DST: variants seen among roughly 807,000 people sequenced by gnomAD.
The protein encoded by DST is bullous pemphigoid antigen.
In DST, 253 loss-of-function variants were observed where a neutral mutation model predicts 875.2. The ratio of observed to expected loss-of-function variants is 0.29; its 90% CI spans 0.26 to 0.32. The LOEUF (loss-of-function observed/expected upper bound fraction) is 0.32, where lower values mean the gene tolerates loss of function less well. Ranked by LOEUF, DST falls within the 10% of genes least tolerant of loss-of-function variation. DST has a pLI of 1.00. For missense variants in DST, 8,287 were observed against 9,111.6 expected (o/e 0.91, Z 3.68); for synonymous variants, 3,124 against 3,197.1 (o/e 0.98, Z 0.77).
At chr6:56,853,486 A>G (rs1438514735) in intron 3 of DST, among the ~76,000 whole-genome samples, 1 of 152,166 alleles carries the variant, frequency 6.6e-6, no homozygotes, top group Non-Finnish European at 1.5e-5. Context: ...GCTGCTTTCT[A>G]TCTTCCTAAA....
chr6:56,763,296 C>T (rs1342713777), intron 4 of DST, among the ~76,000 whole-genome samples: 1 of 152,164 alleles, frequency 6.6e-6, no homozygotes, highest in African/African-American at 2.4e-5. Flanking sequence ...GATCACTTAC[C>T]TAATAAGTCA....
chr6:56,824,937 G>T (rs1040459777), intron 4 of DST, among the ~76,000 whole-genome samples: 1 of 150,264 alleles, frequency 6.7e-6, no homozygotes, highest in African/African-American at 2.5e-5. Context: ...GCCTCTGCCC[G>T]GCCGCCCCTA....
intron 85 of DST, among the ~76,000 whole-genome samples, chr6:56,490,618 G>T (rs776609214): frequency 2.6e-5 from 4 of 151,984 alleles, no homozygotes; most frequent in Non-Finnish European, 5.9e-5. Context: ...ATGGAAAAAT[G>T]GAAACTAGAA....
chr6:56,669,287 C>CA (rs1055863442), intron 10 of DST, among the ~76,000 whole-genome samples: 4,087 of 69,254 alleles, frequency 0.059, 129 homozygotes, highest in East Asian at 0.16. Context: ...TTTGTAAAAC[C>CA]AAAAAAAAAA....
intron 4 of DST, among the ~76,000 whole-genome samples, chr6:56,777,563 A>G (rs1447060559): frequency 1.3e-5 from 2 of 152,052 alleles, no homozygotes; most frequent in Non-Finnish European, 2.9e-5. Context: ...GAGTGGTCCA[A>G]ATAAACCCAC....
At chr6:56,807,564 C>A (rs1395222152) in intron 4 of DST, among the ~76,000 whole-genome samples, 1 of 152,140 alleles carries the variant, frequency 6.6e-6, no homozygotes, top group African/African-American at 2.4e-5. Flanking sequence ...TGGAACTGAA[C>A]AGGGTCCAGA....
rs1563362309 is a variant in DST, at chr6:56,636,786, G to A, written c.2965-134C>T. ...AATTGTTTTGGCAGAATAAGACTTGGAAATTAGGGCAGTGGCTGGGCATGG... is the reference window on the plus strand; with the variant it reads ...AATTGTTTTGGCAGAATAAGACTTGAAAATTAGGGCAGTGGCTGGGCATGG... On this transcript the variant is annotated intron_variant, in intron 22 of 103. Coordinates refer to ENST00000680361, the MANE Select transcript of DST (RefSeq NM_001374736.1). 4 of 797,754 alleles carry A rather than the reference G, an allele frequency of 5.0e-6. No homozygotes were observed. The South Asian group carries it at 5.7e-5, about 11-fold the overall frequency. The allele number at this position is 797,754 out of a possible 1,614,324, so 49.4% of individuals were successfully genotyped here.
At chr6:56,713,243 G>A (rs181478212) in intron 5 of DST, among the ~76,000 whole-genome samples, 69 of 152,262 alleles carry the variant, frequency 4.5e-4, no homozygotes, top group African/African-American at 1.6e-3. Flanking sequence ...CATCAGAAAA[G>A]GAATATAAGG....
At position 56,594,115 on chromosome 6, in the gene DST, G is replaced by C; in HGVS notation, c.12274C>G (p.Gln4092Glu). Residue 4092 changes from glutamine (Q) to glutamate (E), a missense_variant, in exon 48 of 104, where the codon CAG becomes GAG. Physicochemically the swap from Gln to Glu is conservative, Grantham distance 29. This residue lies in a region of DST where 1,513 missense variants were observed against 1,677.8 expected (regional missense o/e 0.90). Transcript: ENST00000680361. The stretch of plus-strand genomic sequence containing the variant: ...TCTTCAGGAGAGAGATACTGACCCT[G>C]TTTCTCAAGCAACACTTGTGCAGAC... The part of the protein sequence containing the change: ...TQSAQVLLEK[Q>E]GQYLSPEEKE... The C allele has an allele frequency of 6.2e-7, 1 of 1,604,100 alleles. No individual in the cohort carries two copies. Among genetic ancestry groups the C allele is most frequent in the Non-Finnish European group, 8.5e-7 (1 of 1,176,696 alleles).
At chr6:56,788,552 A>G (rs1191242952) in intron 4 of DST, among the ~76,000 whole-genome samples, 1 of 152,244 alleles carries the variant, frequency 6.6e-6, no homozygotes, top group Non-Finnish European at 1.5e-5. Flanking sequence ...TATGTAAGTA[A>G]CAAAATTGTG....
chr6:56,826,409 CTTTA>C (rs758533104), intron 4 of DST, among the ~76,000 whole-genome samples: 5 of 151,998 alleles, frequency 3.3e-5, no homozygotes, highest in Non-Finnish European at 7.4e-5. Flanking sequence ...AAACTTTCTA[CTTTA>C]TTTGTGGTGG....
intron 4 of DST, among the ~76,000 whole-genome samples, chr6:56,830,216 C>T (rs35407078): frequency 0.12 from 18,409 of 152,098 alleles, 1,560 homozygotes; most frequent in Non-Finnish European, 0.18. Flanking sequence ...CTGTTTACCA[C>T]ACATTGTGCA....
intron 63 of DST, among the ~76,000 whole-genome samples, chr6:56,532,958 A>T (rs7747256): frequency 6.6e-6 from 1 of 152,204 alleles, no homozygotes; most frequent in Admixed American, 6.5e-5. Context: ...ACGTTAAACA[A>T]TCCATTATAG....
chr6:56,464,243 A>G lies in DST; in HGVS notation c.22759+442T>C, dbSNP rs956798763. The G allele has an allele frequency of 1.1e-5, 3 of 266,204 alleles. 1 individual carries two copies. Among genetic ancestry groups the G allele is most frequent in the South Asian group, 9.6e-5 (2 of 20,762 alleles). 16.5% of individuals were successfully genotyped at this position (266,204 alleles called of 1,614,324 possible). A position where few individuals can be genotyped will look rare whatever the true frequency, so the allele number is the denominator to read the frequency against. On this transcript the variant is annotated intron_variant, in intron 100 of 103. Coordinates refer to ENST00000680361, the MANE Select transcript of DST (RefSeq NM_001374736.1). ...AAATTAAAGAATATAATTACACACA[A>G]TGATTGATGGCTTGTTAGTCATGAT...
Position 56,653,011 on chromosome 6 carries a change from C to T in DST, c.1215-1767G>A, listed in dbSNP as rs375889745. On this transcript the variant is annotated intron_variant, in intron 10 of 103. Transcript: ENST00000680361. ...TTTCAATAAAAAATCGTTTTGTTTC[C>T]GTAAAATTTGCACCTTTTAGGGAAA... Among the ~76,000 whole-genome samples, 90 of 152,074 alleles carry T rather than the reference C, an allele frequency of 5.9e-4. 1 individual carries two copies. The highest frequency in any genetic ancestry group is 5.8e-4 in the East Asian group (3 of 5,192).
intron 2 of DST, among the ~76,000 whole-genome samples, chr6:56,938,143 A>C (rs988795143): frequency 2.1e-5 from 3 of 146,028 alleles, no homozygotes; most frequent in Admixed American, 1.4e-4. Flanking sequence ...TTTAAAAAAA[A>C]ATTTTTTTGA....
At position 56,615,480 on chromosome 6, in the gene DST, T is replaced by C. The variant is rs780714511; in HGVS notation, c.4930-996A>G. The C allele has an allele frequency of 3.1e-6, 5 of 1,613,486 alleles. No individual in the cohort carries two copies. In the East Asian group the frequency reaches 1.1e-4, roughly 36 times the overall value. On this transcript the variant is annotated intron_variant, in intron 36 of 103. Coordinates refer to ENST00000680361, the MANE Select transcript of DST (RefSeq NM_001374736.1). ...TCTGAAAAAGTGGCATGAACCAGCCTGCATCACCCCTTGCACAGTTATTTA... is the reference window on the plus strand; with the variant it reads ...TCTGAAAAAGTGGCATGAACCAGCCCGCATCACCCCTTGCACAGTTATTTA...
At chr6:56,833,624 TA>T (rs1320439976) in intron 4 of DST, among the ~76,000 whole-genome samples, 1 of 152,100 alleles carries the variant, frequency 6.6e-6, no homozygotes, top group African/African-American at 2.4e-5. Context: ...GCATATTAGA[TA>T]CACCAAAGCA....
rs2096091260 is a variant in DST at position 56,500,745 on chromosome 6, A to T, written c.19896+335T>A. 5.9e-5 allele frequency among the ~76,000 whole-genome samples: 9 copies of T among 152,182 alleles called. No individual in the cohort carries two copies. In the South Asian group the frequency reaches 1.7e-3, roughly 28 times the overall value. ...TAGGCTATCCCTAACAACTTTAAAA[A>T]ATAGGTGACATTATCACAATGACAG... On this transcript the variant is annotated intron_variant, in intron 80 of 103. Coordinates refer to ENST00000680361, the MANE Select transcript of DST (RefSeq NM_001374736.1).
Sources: gnomAD v4.1 joint callset for allele counts (sites outside exome capture counted in the v4.1 genomes callset) on GRCh38, gnomAD v4.1.1 for gene constraint, gnomAD v4.1.1 regional missense constraint, MANE v1.5 for transcripts, NCBI Gene and HGNC (gene_info 2026-07-23, HGNC 2026-07-21) for gene names.